NREP: variants seen among roughly 807,000 people sequenced by gnomAD.
The protein encoded by NREP is neuronal regeneration-related protein.
In NREP, 5 loss-of-function variants were observed where a neutral mutation model predicts 8.6. The observed-to-expected ratio is 0.58, with a 90% CI of 0.30 to 1.22. The LOEUF (loss-of-function observed/expected upper bound fraction) is 1.22, where lower values mean the gene tolerates loss of function less well. Ranked by LOEUF, NREP falls within the 50% of genes most tolerant of loss-of-function variation. The pLI is 0.07. For missense variants in NREP, 86 were observed against 82.5 expected (o/e 1.04, Z -0.17); for synonymous variants, 27 against 28.0 (o/e 0.96, Z 0.11).
At chr5:111,860,147 G>A (rs770357984) in intron 2 of NREP, among the ~76,000 whole-genome samples, 1 of 152,112 alleles carries the variant, frequency 6.6e-6, no homozygotes, top group Admixed American at 6.6e-5. Context: ...TGAACTCAGG[G>A]ATTATAGCAA....
chr5:111,841,103 A>C (rs1187438919), intron 2 of NREP, among the ~76,000 whole-genome samples: 1 of 152,156 alleles, frequency 6.6e-6, no homozygotes, highest in Non-Finnish European at 1.5e-5. Context: ...GTTTTGGAAG[A>C]GTGAAACAAG....
intron 2 of NREP, among the ~76,000 whole-genome samples, chr5:111,955,660 C>T (rs755253765): frequency 6.6e-6 from 1 of 152,024 alleles, no homozygotes; most frequent in Non-Finnish European, 1.5e-5. Context: ...CTCGCTTCCA[C>T]TCAAATAACT....
intron 2 of NREP, among the ~76,000 whole-genome samples, chr5:111,949,408 T>C (rs1756089628): frequency 6.6e-6 from 1 of 152,128 alleles, no homozygotes; most frequent in Non-Finnish European, 1.5e-5. Flanking sequence ...GAAAATTCCT[T>C]TCCTTACACA....
intron 2 of NREP, among the ~76,000 whole-genome samples, chr5:111,775,173 A>G (rs934042141): frequency 6.6e-6 from 1 of 152,168 alleles, no homozygotes; most frequent in African/African-American, 2.4e-5. Flanking sequence ...GTACGGATGC[A>G]CGCCACCATA....
chr5:111,951,174 A>G (rs1413992635), intron 2 of NREP, among the ~76,000 whole-genome samples: 1 of 152,066 alleles, frequency 6.6e-6, no homozygotes, highest in African/African-American at 2.4e-5. Context: ...TGTGTTTGCC[A>G]CATTTATTTA....
chr5:111,746,778 A>G (rs1750033442), intron 2 of NREP, among the ~76,000 whole-genome samples: 1 of 152,144 alleles, frequency 6.6e-6, no homozygotes, highest in Non-Finnish European at 1.5e-5. Flanking sequence ...CCGGAAGTCT[A>G]CTCAGGAAAG....
At chr5:111,850,643 C>T (rs934034529) in intron 2 of NREP, among the ~76,000 whole-genome samples, 6 of 151,966 alleles carry the variant, frequency 3.9e-5, no homozygotes, top group Non-Finnish European at 7.4e-5. Context: ...CAGTTATATT[C>T]GGTTCTTCCT....
intron 2 of NREP, among the ~76,000 whole-genome samples, chr5:111,952,325 C>T (rs1319484710): frequency 6.6e-6 from 1 of 152,114 alleles, no homozygotes; most frequent in Admixed American, 6.6e-5. Context: ...TTCATCTGTG[C>T]CTTTGGATGC....
intron 2 of NREP, among the ~76,000 whole-genome samples, chr5:111,898,775 T>C (rs1211707503): frequency 6.6e-6 from 1 of 152,178 alleles, no homozygotes; most frequent in Admixed American, 6.5e-5. Context: ...CAAAGAACTC[T>C]TCTCCAAGGC....
intron 2 of NREP, among the ~76,000 whole-genome samples, chr5:111,884,680 C>T (rs529598306): frequency 8.4e-4 from 128 of 152,172 alleles, no homozygotes; most frequent in Non-Finnish European, 1.6e-3. Context: ...GTACACAAAT[C>T]AATAAATGCA....
intron 2 of NREP, among the ~76,000 whole-genome samples, chr5:111,947,967 T>G (rs1358703350): frequency 6.6e-6 from 1 of 152,200 alleles, no homozygotes; most frequent in Middle Eastern, 3.4e-3. Flanking sequence ...CCTGTAAACC[T>G]CACTCACATT....
chr5:111,912,115 T>C (rs943335290), intron 2 of NREP, among the ~76,000 whole-genome samples: 1 of 152,126 alleles, frequency 6.6e-6, no homozygotes, highest in Non-Finnish European at 1.5e-5. Flanking sequence ...ATATTTAAAT[T>C]AGAGCATTCC....
intron 2 of NREP, among the ~76,000 whole-genome samples, chr5:111,961,746 G>T (rs925162630): frequency 6.6e-6 from 1 of 152,052 alleles, no homozygotes; most frequent in South Asian, 2.1e-4. Flanking sequence ...AATCTCTCCT[G>T]GTTTTATGAA....
At chr5:111,963,831 T>A (rs202047324) in intron 2 of NREP, among the ~76,000 whole-genome samples, 4 of 152,202 alleles carry the variant, frequency 2.6e-5, no homozygotes, top group East Asian at 3.8e-4. Flanking sequence ...TGAGTGGTGA[T>A]CTTGATTTTA....
At position 111,968,880 on chromosome 5, in the gene NREP, T is replaced by C. The variant is rs139733076; in HGVS notation, c.135+6394A>G. Reference sequence around the variant, plus strand: ...AAGTCATAACCCCTCAGCATGGTTTTCAAGGCCCTTCACAACCTGCTCATC... The same window carrying C: ...AAGTCATAACCCCTCAGCATGGTTTCCAAGGCCCTTCACAACCTGCTCATC... On this transcript the variant is annotated intron_variant, in intron 2 of 3. Coordinates refer to the NREP transcript ENST00000395634. Among the ~76,000 whole-genome samples, 110 of 152,330 alleles carry C rather than the reference T, an allele frequency of 7.2e-4. 1 individual carries two copies. The highest frequency in any genetic ancestry group is 2.6e-3 in the African/African-American group (108 of 41,574).
chr5:111,938,985 G>A (rs182672740), intron 2 of NREP, among the ~76,000 whole-genome samples: 3 of 151,976 alleles, frequency 2.0e-5, no homozygotes, highest in Non-Finnish European at 2.9e-5. Context: ...TCAGTCCATC[G>A]ATTACTGGAG....
At chr5:111,920,053 G>T (rs1285221105) in intron 2 of NREP, among the ~76,000 whole-genome samples, 3 of 149,422 alleles carry the variant, frequency 2.0e-5, no homozygotes, top group Non-Finnish European at 4.4e-5. Flanking sequence ...GAATACCCTT[G>T]GAAGGTCATA....
intron 2 of NREP, among the ~76,000 whole-genome samples, chr5:111,745,075 A>G (rs1315411746): frequency 6.6e-6 from 1 of 152,138 alleles, no homozygotes; most frequent in Non-Finnish European, 1.5e-5. Context: ...AATCCACTAT[A>G]ATGTTTTGTT....
At chr5:111,948,629 G>A (rs2112629921) in intron 2 of NREP, among the ~76,000 whole-genome samples, 1 of 152,142 alleles carries the variant, frequency 6.6e-6, no homozygotes, top group East Asian at 1.9e-4. Flanking sequence ...TCCAAGACAT[G>A]CCTTTATGGA....
Sources: gnomAD v4.1 joint callset for allele counts (sites outside exome capture counted in the v4.1 genomes callset) on GRCh38, gnomAD v4.1.1 for gene constraint, MANE v1.5 for transcripts, NCBI Gene and HGNC (gene_info 2026-07-23, HGNC 2026-07-21) for gene names.